PDXDC1: variants seen among roughly 807,000 people sequenced by gnomAD.
The protein encoded by PDXDC1 is pyridoxal-dependent decarboxylase domain-containing protein 1.
Under a neutral mutation model 100.1 loss-of-function variants are expected in PDXDC1, and 42 were observed. The ratio of observed to expected loss-of-function variants is 0.42; its 90% CI spans 0.33 to 0.54. The LOEUF (loss-of-function observed/expected upper bound fraction) is 0.54, where lower values mean the gene tolerates loss of function less well. PDXDC1 is among the 20% of genes least tolerant of loss of function. PDXDC1 has a pLI of 0.10. For synonymous variants in PDXDC1, 260 were observed against 371.7 expected (o/e 0.70, Z 3.46); for missense variants, 636 against 979.2 (o/e 0.65, Z 4.68).
chr16:15,131,500 G>A (rs2048057096), intron 16 of PDXDC1: 6 of 1,607,414 alleles, frequency 3.7e-6, no homozygotes, highest in East Asian at 2.2e-5. Flanking sequence ...CAGGCTCCGC[G>A]GGTCCGAGCG....
intron 16 of PDXDC1, chr16:15,130,167 T>G: frequency 6.6e-7 from 1 of 1,516,066 alleles, no homozygotes; most frequent in Non-Finnish European, 8.9e-7. Context: ...CCTCCTCGAC[T>G]CTGCAGAGGC....
chr16:14,986,814 T>C (rs1462072378), intron 1 of PDXDC1, among the ~76,000 whole-genome samples: 1 of 152,294 alleles, frequency 6.6e-6, no homozygotes, highest in African/African-American at 2.4e-5. Flanking sequence ...TGGCGCGTTC[T>C]TGGCTAACTG....
At chr16:15,079,387 C>A (rs1164645738) in intron 16 of PDXDC1, among the ~76,000 whole-genome samples, 1 of 152,184 alleles carries the variant, frequency 6.6e-6, no homozygotes, top group Admixed American at 6.5e-5. Flanking sequence ...CCGTAAGAAT[C>A]CCTTCCTGAC....
At position 15,119,416 on chromosome 16, in the gene PDXDC1, T is replaced by C. The variant is rs2377171; in HGVS notation, c.1400-19463T>C. Among the ~76,000 whole-genome samples, 83 of 144,182 alleles carry C rather than the reference T, an allele frequency of 5.8e-4. No homozygotes were observed. In the East Asian group the frequency reaches 0.015, roughly 26 times the overall value. The allele number at this position is 144,182 out of a possible 152,430, so 94.6% of individuals were successfully genotyped here. A position where few individuals can be genotyped will look rare whatever the true frequency, so the allele number is the denominator to read the frequency against. On this transcript the variant is annotated intron_variant, in intron 16 of 16. Coordinates refer to the PDXDC1 transcript ENST00000535621. ...TGATCTAAAAAAAAAAAATTTTTTT[T>C]GTTTTTTTTTTTTTTGAGACAGAGT...
rs1352617143 is a variant in PDXDC1, at chr16:15,035,616, T to C, written c.2107+63T>C. On this transcript the variant is annotated intron_variant, in intron 22 of 22. Transcript: ENST00000396410. ...TTCCCCTGTTGACTGTTACTTGCGTTTGTTTTCTGGGTTCTTGAACTCCAG... is the reference window on the plus strand; with the variant it reads ...TTCCCCTGTTGACTGTTACTTGCGTCTGTTTTCTGGGTTCTTGAACTCCAG... 6.4e-6 allele frequency: 6 copies of C among 941,460 alleles called. No homozygotes were observed. In the African/African-American group the frequency reaches 6.7e-5, roughly 10 times the overall value. The allele number at this position is 941,460 out of a possible 1,614,324, so 58.3% of individuals were successfully genotyped here. A position where few individuals can be genotyped will look rare whatever the true frequency, so the allele number is the denominator to read the frequency against.
intron 16 of PDXDC1, among the ~76,000 whole-genome samples, chr16:15,043,622 C>A (rs1193188881): frequency 1.5e-5 from 2 of 136,892 alleles, no homozygotes; most frequent in African/African-American, 5.1e-5. Context: ...AGTCAACACA[C>A]GACAATGTTT....
At chr16:15,101,553 C>A (rs1167685407) in intron 16 of PDXDC1, among the ~76,000 whole-genome samples, 1 of 151,014 alleles carries the variant, frequency 6.6e-6, no homozygotes, top group Non-Finnish European at 1.5e-5. Context: ...CTCTACTAAA[C>A]CCTGTCTCTA....
At chr16:14,988,294 G>T in intron 1 of PDXDC1, 7 of 1,613,578 alleles carry the variant, frequency 4.3e-6, no homozygotes, top group Non-Finnish European at 5.9e-6. Flanking sequence ...CTGCAGAGGG[G>T]CTTGGCTCCA....
At chr16:15,133,799 G>A in intron 16 of PDXDC1, 1 of 1,585,854 alleles carries the variant, frequency 6.3e-7, no homozygotes, top group Non-Finnish European at 8.6e-7. Flanking sequence ...ACTCACCCGT[G>A]CATTCGAAGT....
At chr16:15,059,733 T>C (rs2044644968) in intron 16 of PDXDC1, among the ~76,000 whole-genome samples, 1 of 152,166 alleles carries the variant, frequency 6.6e-6, no homozygotes, top group South Asian at 2.1e-4. Flanking sequence ...TTTCACAGTA[T>C]TTTTCCCCAT....
intron 16 of PDXDC1, chr16:15,092,638 T>C (rs2046182742): frequency 7.4e-7 from 1 of 1,358,978 alleles, no homozygotes; most frequent in Non-Finnish European, 1.1e-6. Context: ...ATTAACAAGC[T>C]ATTAAGTTCA....
intron 19 of PDXDC1, 141 bp downstream of exon 19, chr16:15,033,540 T>C (rs2043196465): frequency 1.0e-6 from 1 of 963,612 alleles, no homozygotes; most frequent in Admixed American, 2.2e-5. Flanking sequence ...AGCTGGGCCT[T>C]GTGCCAGGTG....
intron 16 of PDXDC1, chr16:15,061,475 TAAAC>T: frequency 2.6e-6 from 1 of 383,296 alleles, no homozygotes; most frequent in East Asian, 3.8e-5. Flanking sequence ...ATGTACATAT[TAAAC>T]AAGCAAATCC....
intron 16 of PDXDC1, chr16:15,045,123 CA>C (rs71150202): frequency 0.012 from 1,154 of 98,690 alleles, 21 homozygotes; most frequent in African/African-American, 0.037. Context: ...GACTCTATCT[CA>C]AAAAAAAAAA....
At chr16:15,073,047 T>C in intron 16 of PDXDC1, 1 of 1,612,762 alleles carries the variant, frequency 6.2e-7, no homozygotes, top group East Asian at 2.2e-5. Context: ...CAGGTCGCGA[T>C]ATAGATCCTT....
chr16:15,082,394 C>T (rs943104429), intron 16 of PDXDC1, among the ~76,000 whole-genome samples: 2 of 151,844 alleles, frequency 1.3e-5, no homozygotes, highest in African/African-American at 2.4e-5. Context: ...CAATCTCGGC[C>T]GGTCACGGTG....
At position 14,988,209 on chromosome 16, in the gene PDXDC1, T is replaced by C. The variant is rs939796371; in HGVS notation, c.22-9544T>C. The stretch of plus-strand genomic sequence containing the variant: ...TTGCTCCTGGCAGTGGGACTTTCAG[T>C]GCTGGGTGTCTTGTGCAAATGGTGG... On this transcript the variant is annotated intron_variant, in intron 1 of 22. Coordinates refer to ENST00000396410, the MANE Select transcript of PDXDC1 (RefSeq NM_015027.4). 17 of 1,612,412 alleles carry C rather than the reference T, an allele frequency of 1.1e-5. No individual in the cohort carries two copies. The African/African-American group carries it at 2.1e-4, about 20-fold the overall frequency.
intron 16 of PDXDC1, among the ~76,000 whole-genome samples, chr16:15,053,258 C>G (rs916015984): frequency 5.3e-5 from 8 of 152,238 alleles, no homozygotes; most frequent in African/African-American, 1.9e-4. Flanking sequence ...GGCCTGGGGC[C>G]AGTTTCCCAG....
chr16:15,129,078 T>C (rs1223845352), intron 16 of PDXDC1, among the ~76,000 whole-genome samples: 1 of 151,718 alleles, frequency 6.6e-6, no homozygotes, highest in Admixed American at 6.6e-5. Flanking sequence ...GTGCTCGGAT[T>C]ACAGGTGTGA....
Sources: gnomAD v4.1 joint callset for allele counts (sites outside exome capture counted in the v4.1 genomes callset) on GRCh38, gnomAD v4.1.1 for gene constraint, MANE v1.5 for transcripts, NCBI Gene and HGNC (gene_info 2026-07-23, HGNC 2026-07-21) for gene names.